The following TPPP variants were observed in gnomAD, a reference collection of about 807,000 sequenced individuals.
TPPP encodes tubulin polymerization-promoting protein.
In TPPP, 6 loss-of-function variants were observed where a neutral mutation model predicts 15.5. That is an observed-to-expected ratio of 0.39 (90% confidence interval 0.21 to 0.77). TPPP has a LOEUF of 0.77. Among genes scored for constraint, TPPP ranks in the 30% least tolerant of loss-of-function variants. The probability of loss-of-function intolerance (pLI) is 0.42; values close to 1 mark genes in which losing one functional copy is unlikely to be tolerated. For missense variants in TPPP, 269 were observed against 307.2 expected, an observed-to-expected ratio of 0.88 and a Z score of 0.93; for synonymous variants, 146 against 133.9, an observed-to-expected ratio of 1.09 and a Z score of -0.63.
intron 2 of TPPP, among the ~76,000 whole-genome samples, chr5:672,407 T>C (rs1214652948): frequency 6.6e-6 from 1 of 152,170 alleles, no homozygotes; most frequent in African/African-American, 2.4e-5. Flanking sequence ...TGCATTTACT[T>C]GGGAAAATAC....
intron 2 of TPPP, among the ~76,000 whole-genome samples, chr5:673,689 A>T (rs1385688662): frequency 6.6e-6 from 1 of 152,100 alleles, no homozygotes; most frequent in Non-Finnish European, 1.5e-5. Flanking sequence ...CAAGGCTGGC[A>T]CACCCCAAGG....
Position 665,165 on chromosome 5 carries a change from T to G in TPPP, c.597A>C (p.Ser199=), listed in dbSNP as rs1697963. Residue 199 remains serine, a synonymous_variant, in exon 4 of 4, where the codon TCA becomes TCC. Transcript: ENST00000360578. ...CGTGCTTGTAGCCGGACACATAGCC[T>G]GACTCGTCCACCAGATCCACGCGGC... is the stretch of plus-strand genomic sequence containing the variant. The part of the protein sequence containing the change: ...KAGRVDLVDE[S]GYVSGYKHAG... The G allele has an allele frequency of 6.2e-7, 1 of 1,613,146 alleles. No individual in the cohort carries two copies.
intron 2 of TPPP, chr5:667,147 G>A (rs1739951232): frequency 1.3e-5 from 2 of 152,238 alleles, no homozygotes; most frequent in South Asian, 4.1e-4. Flanking sequence ...CAAGAAATGA[G>A]AACAGAGTCA....
At chr5:693,888 C>A (rs1320580537), upstream of TPPP, among the ~76,000 whole-genome samples, 1 of 149,270 alleles carries the variant, frequency 6.7e-6, no homozygotes, top group Admixed American at 6.7e-5. Context: ...GTGCTCGGAC[C>A]CCAAGGCGGG....
At chr5:668,620 G>A (rs774970934) in intron 2 of TPPP, among the ~76,000 whole-genome samples, 120 of 152,384 alleles carry the variant, frequency 7.9e-4, no homozygotes, top group Non-Finnish European at 1.3e-3. Context: ...GCCGAGCAAC[G>A]CGGCAGAGCC....
In TPPP at chr5:670,486, C is replaced by T. The variant is rs139154820; in HGVS notation, c.312-4363G>A. On this transcript the variant is annotated intron_variant, in intron 2 of 3. Coordinates refer to ENST00000360578, the MANE Select transcript of TPPP (RefSeq NM_007030.3). The stretch of plus-strand genomic sequence containing the variant: ...AGGGGCTGCGGCTCCCCCAGGGCAC[C>T]AACCTCTGGGATCTTCCATTAGCCC... 7.9e-3 allele frequency among the ~76,000 whole-genome samples: 1,199 copies of T among 152,188 alleles called. 8 individuals are homozygous for T. Among genetic ancestry groups the T allele is most frequent in the Non-Finnish European group, 0.011 (774 of 67,988 alleles).
intron 2 of TPPP, among the ~76,000 whole-genome samples, chr5:669,420 G>C (rs959216360): frequency 2.6e-5 from 4 of 152,166 alleles, no homozygotes; most frequent in African/African-American, 9.7e-5. Context: ...ACCCCAGGCA[G>C]CCCACAGTGC....
At chr5:677,646 C>T in intron 2 of TPPP, 104 bp downstream of exon 2, 1 of 1,107,994 alleles carries the variant, frequency 9.0e-7, no homozygotes, top group Non-Finnish European at 1.3e-6. Flanking sequence ...AAGCACAACC[C>T]CCTCCACTCC....
At chr5:682,176 G>A (rs1372942218) in intron 1 of TPPP, among the ~76,000 whole-genome samples, 40 of 149,034 alleles carry the variant, frequency 2.7e-4, no homozygotes, top group Admixed American at 1.0e-3. Context: ...TGATCACAGA[G>A]CTGTCCAGGG....
At chr5:683,264 C>T (rs377396239) in intron 1 of TPPP, among the ~76,000 whole-genome samples, 22 of 140,946 alleles carry the variant, frequency 1.6e-4, no homozygotes, top group South Asian at 1.4e-3. Flanking sequence ...AGGCACAGCC[C>T]GAGGGAGAAC....
chr5:675,464 A>G (rs1353959001), intron 2 of TPPP, among the ~76,000 whole-genome samples: 2 of 13,952 alleles, frequency 1.4e-4, no homozygotes, highest in Non-Finnish European at 1.2e-4. Context: ...GGTGCAGCAC[A>G]GGGGGTGCAG....
At chr5:676,074 G>A (rs1001954075) in intron 2 of TPPP, 1 of 152,226 alleles carries the variant, frequency 6.6e-6, no homozygotes, top group Non-Finnish European at 1.5e-5. Context: ...GGCCCTGGTT[G>A]CCTCTGCCGT....
chr5:693,579 G>T (rs564581782), upstream of TPPP, among the ~76,000 whole-genome samples: 28 of 151,832 alleles, frequency 1.8e-4, 1 homozygote, highest in East Asian at 4.5e-3. Flanking sequence ...CGGACCGCCG[G>T]GTATCCGCTC....
intron 2 of TPPP, among the ~76,000 whole-genome samples, chr5:677,000 G>A (rs1054801648): frequency 2.9e-5 from 4 of 140,050 alleles, no homozygotes; most frequent in African/African-American, 5.6e-5. Flanking sequence ...ACGCGCACAC[G>A]TGCACACGCA....
At chr5:699,097 C>T in the TPPP span, among the ~76,000 whole-genome samples, 16 of 151,932 alleles carry the variant, frequency 1.1e-4, no homozygotes, top group Middle Eastern at 3.2e-3. Context: ...TCAAAGCAAT[C>T]TACAGACCCA....
At chr5:697,265 G>T (rs56139727), upstream of TPPP, among the ~76,000 whole-genome samples, 90,042 of 132,158 alleles carry the variant, frequency 0.68, 30,110 homozygotes, top group Middle Eastern at 0.72. Context: ...ACAGGTCAGG[G>T]GCTGATGAGG....
At chr5:684,821 C>T (rs1371447863) in intron 1 of TPPP, among the ~76,000 whole-genome samples, 1 of 152,210 alleles carries the variant, frequency 6.6e-6, no homozygotes, top group Non-Finnish European at 1.5e-5. Context: ...CTCTTCTCAG[C>T]CCAGGCCGCC....
the TPPP span, among the ~76,000 whole-genome samples, chr5:699,350 C>A: frequency 6.6e-6 from 1 of 151,334 alleles, no homozygotes; most frequent in Non-Finnish European, 1.5e-5. Flanking sequence ...CAATAAAAAT[C>A]AGGAAATGAC....
At chr5:680,862 T>C (rs1740602215) in intron 1 of TPPP, among the ~76,000 whole-genome samples, 1 of 152,176 alleles carries the variant, frequency 6.6e-6, no homozygotes, top group African/African-American at 2.4e-5. Context: ...AAAATGACAA[T>C]GAATTAGGCA....
Sources: allele counts gnomAD v4.1 joint callset (sites outside exome capture counted in the v4.1 genomes callset), GRCh38; gene constraint gnomAD v4.1.1; transcripts MANE v1.5; gene names NCBI Gene and HGNC (gene_info 2026-07-23, HGNC 2026-07-21).